The following URI1 variants were observed in gnomAD, a reference collection of about 807,000 sequenced individuals.
The protein encoded by URI1 is URI1 prefoldin like chaperone.
URI1 carries 39 observed loss-of-function variants against 60.2 expected under a neutral mutation model. The ratio of observed to expected loss-of-function variants is 0.65; its 90% CI spans 0.50 to 0.85. URI1 has a LOEUF of 0.85. Among genes scored for constraint, URI1 ranks in the 40% least tolerant of loss-of-function variants. The pLI is 0.00. For missense variants in URI1, 691 were observed against 665.9 expected, an observed-to-expected ratio of 1.04 and a Z score of -0.42; for synonymous variants, 251 against 236.8, an observed-to-expected ratio of 1.06 and a Z score of -0.55.
chr19:30,008,988 A>C lies in URI1; in HGVS notation c.687-17A>C, dbSNP rs1568446368. The C allele has an allele frequency of 6.4e-7, 1 of 1,554,242 alleles. No individual in the cohort carries two copies. Among genetic ancestry groups the C allele is most frequent in the African/African-American group, 1.4e-5 (1 of 73,110 alleles). On this transcript the variant is annotated splice_polypyrimidine_tract_variant and intron_variant, in intron 7 of 10. Coordinates refer to ENST00000392271, the MANE Select transcript of URI1 (RefSeq NM_003796.3). Reference sequence around the variant, plus strand: ...CTAGTATGTTTGTTTGATCTTGTTAATTTTCTTCCTTGCTAGTAAGCCTGA... The same window carrying C: ...CTAGTATGTTTGTTTGATCTTGTTACTTTTCTTCCTTGCTAGTAAGCCTGA...
chr19:29,951,535 T>C (rs1156538047), intron 1 of URI1, among the ~76,000 whole-genome samples: 1 of 151,988 alleles, frequency 6.6e-6, no homozygotes, highest in Non-Finnish European at 1.5e-5. Flanking sequence ...CCCTTCAAGC[T>C]GGCTCAAGCA....
chr19:29,984,196 T>G (rs1289144999), intron 2 of URI1, among the ~76,000 whole-genome samples: 1 of 151,940 alleles, frequency 6.6e-6, no homozygotes, highest in African/African-American at 2.4e-5. Flanking sequence ...GAGGCTGCGG[T>G]GGGGGGATCG....
chr19:29,961,575 A>G (rs555106422), intron 1 of URI1, among the ~76,000 whole-genome samples: 2 of 150,908 alleles, frequency 1.3e-5, no homozygotes, highest in African/African-American at 4.9e-5. Context: ...TTTAGCATCC[A>G]TGGATACTTG....
intron 4 of URI1, among the ~76,000 whole-genome samples, chr19:30,001,829 T>A (rs1036298076): frequency 2.6e-5 from 4 of 151,984 alleles, no homozygotes; most frequent in African/African-American, 9.7e-5. Context: ...TTTATGGGTT[T>A]ATGCCTTTAA....
At chr19:29,940,036 G>A (rs1568405074), upstream of URI1, among the ~76,000 whole-genome samples, 1 of 152,188 alleles carries the variant, frequency 6.6e-6, no homozygotes, top group Non-Finnish European at 1.5e-5. Flanking sequence ...TTAGAGGTGT[G>A]CGAATTGGAT....
intron 1 of URI1, among the ~76,000 whole-genome samples, chr19:29,953,870 A>G (rs1325127670): frequency 6.6e-6 from 1 of 151,794 alleles, no homozygotes; most frequent in Non-Finnish European, 1.5e-5. Context: ...TTTTTTCTTA[A>G]TAGGAAAATT....
At chr19:29,948,631 ACATGTTTC>A in intron 1 of URI1, among the ~76,000 whole-genome samples, 1 of 152,152 alleles carries the variant, frequency 6.6e-6, no homozygotes, top group Non-Finnish European at 1.5e-5. Flanking sequence ...TGGACACAGC[ACATGTTTC>A]AGAGAGCACG....
chr19:29,983,066 TA>T (rs891402689), intron 2 of URI1, among the ~76,000 whole-genome samples: 1 of 152,216 alleles, frequency 6.6e-6, no homozygotes, highest in African/African-American at 2.4e-5. Context: ...TTTATCCATA[TA>T]AAAATTTTCC....
chr19:29,936,988 G>A (rs1191912950), intron 1 of URI1, among the ~76,000 whole-genome samples: 1 of 152,152 alleles, frequency 6.6e-6, no homozygotes, highest in Non-Finnish European at 1.5e-5. Context: ...CTGAATTCAA[G>A]TGATCCACCC....
chr19:29,959,114 T>G (rs925306576), intron 1 of URI1, among the ~76,000 whole-genome samples: 4 of 152,088 alleles, frequency 2.6e-5, no homozygotes, highest in African/African-American at 9.7e-5. Flanking sequence ...TTGTTATTGG[T>G]TTTTGTGTGT....
At chr19:29,935,849 C>T (rs1376410298) in intron 1 of URI1, among the ~76,000 whole-genome samples, 2 of 151,514 alleles carry the variant, frequency 1.3e-5, no homozygotes, top group African/African-American at 4.9e-5. Flanking sequence ...TGAAATGGTG[C>T]CGTCTTGGCT....
rs541554816 is a variant in URI1 at position 29,996,797 on chromosome 19, G to T, written c.368-8564G>T. 3.3e-3 allele frequency among the ~76,000 whole-genome samples: 476 copies of T among 146,358 alleles called. 1 individual carries two copies. Among genetic ancestry groups the T allele is most frequent in the African/African-American group, 0.012 (464 of 40,154 alleles). On this transcript the variant is annotated intron_variant, in intron 4 of 10. Transcript: ENST00000392271. ...TTCCCTTCTGTTTCTAATTTATTGA[G>T]TTTTTTTTTTTAATCATGAAAGGTT...
At chr19:29,962,395 A>G (rs1280105212) in intron 1 of URI1, among the ~76,000 whole-genome samples, 1 of 127,338 alleles carries the variant, frequency 7.9e-6, no homozygotes, top group Non-Finnish European at 1.6e-5. Context: ...ATATGTATTT[A>G]TAGTATCTTT....
intron 1 of URI1, among the ~76,000 whole-genome samples, chr19:29,929,843 T>C: frequency 6.6e-6 from 1 of 152,010 alleles, no homozygotes; most frequent in East Asian, 1.9e-4. Context: ...GTGCAATATA[T>C]ATATGCTTGA....
At chr19:29,975,751 C>G (rs954124497) in intron 2 of URI1, among the ~76,000 whole-genome samples, 3 of 152,116 alleles carry the variant, frequency 2.0e-5, no homozygotes, top group African/African-American at 4.8e-5. Context: ...GGCAATGCAC[C>G]CTCCTCCGCC....
chr19:29,980,661 A>G (rs1213732130), intron 2 of URI1, among the ~76,000 whole-genome samples: 2 of 144,328 alleles, frequency 1.4e-5, no homozygotes, highest in East Asian at 4.1e-4. Context: ...ATGGTGGCTC[A>G]CACCTGTAAT....
chr19:29,985,331 T>C (rs1220053616), intron 3 of URI1, 30 bp downstream of exon 3: 2 of 1,565,684 alleles, frequency 1.3e-6, no homozygotes, highest in African/African-American at 2.7e-5. Flanking sequence ...TTTAAAGTAA[T>C]AGTTGTTTCT....
intron 4 of URI1, among the ~76,000 whole-genome samples, chr19:29,988,488 T>C (rs763503406): frequency 1.3e-5 from 2 of 152,186 alleles, no homozygotes; most frequent in Non-Finnish European, 2.9e-5. Context: ...TGCCCCTTGG[T>C]GGTCACACCC....
At chr19:29,961,388 C>T (rs190911536) in intron 1 of URI1, among the ~76,000 whole-genome samples, 1 of 151,746 alleles carries the variant, frequency 6.6e-6, no homozygotes, top group Non-Finnish European at 1.5e-5. Context: ...CTCTAAGTAC[C>T]TTTAAGTGGA....
Sources: allele counts gnomAD v4.1 joint callset (sites outside exome capture counted in the v4.1 genomes callset), GRCh38; gene constraint gnomAD v4.1.1; transcripts MANE v1.5; gene names NCBI Gene and HGNC (gene_info 2026-07-23, HGNC 2026-07-21).